POLE: variants seen among roughly 807,000 people sequenced by gnomAD.
POLE encodes the protein DNA polymerase epsilon, catalytic subunit.
In POLE, 188 loss-of-function variants were observed where a neutral mutation model predicts 279.2. That is an observed-to-expected ratio of 0.67 (90% CI 0.60 to 0.76). The LOEUF is 0.76. Ranked by LOEUF, POLE falls within the 30% of genes least tolerant of loss-of-function variation. The pLI is 0.00. For missense variants in POLE, 2,703 were observed against 3,016.7 expected (o/e 0.90, Z 2.44); for synonymous variants, 1,214 against 1,172.5 (o/e 1.04, Z -0.72).
chr12:132,686,251 G>A (rs1270120779), intron 1 of POLE, among the ~76,000 whole-genome samples: 2 of 151,790 alleles, frequency 1.3e-5, no homozygotes, highest in Non-Finnish European at 2.9e-5. Flanking sequence ...AAGCAGCCGC[G>A]TCTTATCCTT....
chr12:132,680,385 C>A, intron 3 of POLE, 163 bp from the exon 4 acceptor site: 3 of 691,900 alleles, frequency 4.3e-6, no homozygotes, highest in Non-Finnish European at 7.7e-6. Context: ...TTCACAGGGG[C>A]AAGAATCTGA....
At position 132,675,465 on chromosome 12, in the gene POLE, T is replaced by A; in HGVS notation, c.1159A>T (p.Ile387Leu). The change falls in exon 12 of 49, where the codon ATA (isoleucine) becomes TTA (leucine). Residue 387 changes from isoleucine (I) to leucine (L), a missense_variant. By Grantham distance (5) the Ile-to-Leu change is conservative. Around this residue, in one of 5 missense-constraint regions of POLE, gnomAD observed 1,011 missense variants for 1,111.7 expected, o/e 0.91. Transcript: ENST00000320574. The surrounding 1 kb of genome is among the most constrained non-coding windows in gnomAD (Gnocchi z 4.3). ...AVHGLSMQQE[I>L]GFQKDSQGEY... The stretch of plus-strand genomic sequence containing the variant: ...CCCTGGCTGTCCTTCTGGAAGCCTA[T>A]CTCCTGCTGCATGCTCAGACCGTGG... The A allele has an allele frequency of 6.2e-7, 1 of 1,614,124 alleles. No homozygotes were observed. The highest frequency in any genetic ancestry group is 8.5e-7 in the Non-Finnish European group (1 of 1,180,024).
At position 132,668,802 on chromosome 12, in the gene POLE, A is replaced by T; in HGVS notation, c.1923+9T>A. ...AGCTCCGACTCTGACACGGGAAGTAAAGTCTCACCTGCAGGCGGTTGGTCA... is the reference window on the plus strand; with the variant it reads ...AGCTCCGACTCTGACACGGGAAGTATAGTCTCACCTGCAGGCGGTTGGTCA... On this transcript the variant is annotated intron_variant, in intron 17 of 48. Coordinates refer to ENST00000320574, the MANE Select transcript of POLE (RefSeq NM_006231.4). The surrounding 1 kb of genome is among the most constrained non-coding windows in gnomAD (Gnocchi z 4.0). 1 of 1,613,966 alleles carries T rather than the reference A, an allele frequency of 6.2e-7. No homozygotes were observed. Among genetic ancestry groups the T allele is most frequent in the Non-Finnish European group, 8.5e-7 (1 of 1,179,858 alleles).
rs544618034 is a variant in POLE, at chr12:132,662,025, C to G, written c.2707-341G>C. Among the ~76,000 whole-genome samples the G allele has an allele frequency of 9.8e-5, 15 of 152,330 alleles. No individual in the cohort carries two copies. In the South Asian group the frequency reaches 2.7e-3, roughly 27 times the overall value. ...GGATTTGCTGACAAAGGGGTTGCAG[C>G]TGTTTTGTGTTGCTTCGTGGTGCTG... On this transcript the variant is annotated intron_variant, in intron 23 of 48. Coordinates refer to ENST00000320574, the MANE Select transcript of POLE (RefSeq NM_006231.4).
chr12:132,631,430 T>TA (rs2041930806), intron 45 of POLE, among the ~76,000 whole-genome samples: 1 of 152,124 alleles, frequency 6.6e-6, no homozygotes, highest in East Asian at 1.9e-4. Context: ...TACACCTTAA[T>TA]AAAAATGAAT....
At chr12:132,640,792 TG>T (rs2042125248) in intron 39 of POLE, among the ~76,000 whole-genome samples, 1 of 152,208 alleles carries the variant, frequency 6.6e-6, no homozygotes, top group Non-Finnish European at 1.5e-5. Flanking sequence ...AGCGGCAGTT[TG>T]GGTATCTGCT....
At chr12:132,686,731 T>A (rs963741644) in intron 1 of POLE, among the ~76,000 whole-genome samples, 4 of 151,928 alleles carry the variant, frequency 2.6e-5, no homozygotes, top group South Asian at 4.2e-4. Flanking sequence ...CGGGACTCCC[T>A]GCCCAAAAAA....
Position 132,625,032 on chromosome 12 carries a change from G to A in POLE, c.6658-38C>T, listed in dbSNP as rs144237037. On this transcript the variant is annotated intron_variant, in intron 47 of 48. Transcript: ENST00000320574. Reference sequence around the variant, plus strand: ...AGCCCCGATGGGCGCCAGCCCTCCCGCGCTGGCCAGACCTGCCTGCTGCTT... The same window carrying A: ...AGCCCCGATGGGCGCCAGCCCTCCCACGCTGGCCAGACCTGCCTGCTGCTT... 6.4e-3 allele frequency: 9,659 copies of A among 1,515,948 alleles called. 47 individuals are homozygous for A. The highest frequency in any genetic ancestry group is 8.1e-3 in the Non-Finnish European group (8,821 of 1,094,048). 93.9% of individuals were successfully genotyped at this position (1,515,948 alleles called of 1,614,324 possible).
rs891235210 is a variant in POLE at position 132,632,180 on chromosome 12, G to A, written c.6330+135C>T. 6.1e-5 allele frequency: 42 copies of A among 683,846 alleles called. No individual in the cohort carries two copies. The Admixed American group carries it at 9.8e-4, about 16-fold the overall frequency. 42.4% of individuals were successfully genotyped at this position (683,846 alleles called of 1,614,324 possible). On this transcript the variant is annotated intron_variant, in intron 45 of 48. Transcript: ENST00000320574. ...CATCCTTACCATGCACAGGTATGTC[G>A]GTGTCCTTATCTTGCACACATACGC...
At chr12:132,669,356 C>T (rs953939928) in intron 16 of POLE, among the ~76,000 whole-genome samples, 14 of 151,646 alleles carry the variant, frequency 9.2e-5, no homozygotes, top group African/African-American at 2.4e-4. Context: ...CCCAGCTACT[C>T]GGAACGCTGG....
At chr12:132,637,842 C>G (rs567420871) in intron 41 of POLE, among the ~76,000 whole-genome samples, 172 bp downstream of exon 41, 1 of 152,200 alleles carries the variant, frequency 6.6e-6, no homozygotes, top group African/African-American at 2.4e-5. Context: ...GATCTGCTAC[C>G]GCGCACAGGT....
Position 132,668,218 on chromosome 12 carries a change from G to GTGACC in POLE, c.2173+133_2173+137dup. On this transcript the variant is annotated intron_variant, in intron 19 of 48. Coordinates refer to ENST00000320574, the MANE Select transcript of POLE (RefSeq NM_006231.4). This position sits in a 1 kb window ranked among gnomAD's most constrained non-coding sequence, Gnocchi z 4.0. ...CCCTGCAGTGAGAGCACAGCTTACA[G>GTGACC]TGACCTAGAGCAGCTTCTGGTCTGC... The GTGACC allele has an allele frequency of 1.1e-6, 1 of 934,626 alleles. No individual in the cohort carries two copies. Among genetic ancestry groups the GTGACC allele is most frequent in the African/African-American group, 1.7e-5 (1 of 60,100 alleles). 57.9% of individuals were successfully genotyped at this position (934,626 alleles called of 1,614,324 possible). A position where few individuals can be genotyped will look rare whatever the true frequency, so the allele number is the denominator to read the frequency against.
Position 132,661,020 on chromosome 12 carries a change from A to C in POLE, c.3009T>G (p.Tyr1003Ter), listed in dbSNP as rs1476231535. The change falls in exon 25 of 49, where the codon TAT (tyrosine) becomes TAG (stop). Residue 1003 changes from tyrosine (Y) to a stop codon, truncating the protein, a stop_gained. Coordinates refer to ENST00000320574, the MANE Select transcript of POLE (RefSeq NM_006231.4). LOFTEE classifies it high-confidence loss of function. The surrounding 1 kb of genome is among the most constrained non-coding windows in gnomAD (Gnocchi z 4.1). ...FLKGSTLEEV[Y>*]GSVAKVADYW... ...AGTCAGCCACCTTGGCTACAGAGCCATACACCTCTTCCAGCGTGCTGCCCT... is the reference window on the plus strand; with the variant it reads ...AGTCAGCCACCTTGGCTACAGAGCCCTACACCTCTTCCAGCGTGCTGCCCT... 1 of 1,613,988 alleles carries C rather than the reference A, an allele frequency of 6.2e-7. No homozygotes were observed. Among genetic ancestry groups the C allele is most frequent in the African/African-American group, 1.3e-5 (1 of 74,900 alleles).
rs5744965 is a variant in POLE at position 132,639,325 on chromosome 12, C to T, written c.5379-27G>A. The T allele has an allele frequency of 2.7e-3, 4,274 of 1,608,966 alleles. 106 individuals carry two copies. In the African/African-American group the frequency reaches 0.047, roughly 18 times the overall value. ...TGAAAGAGAAGGTGCACGACACCCT[C>T]GTACCCTCAGCCTCCCACGCTGCTG... is the stretch of plus-strand genomic sequence containing the variant. On this transcript the variant is annotated intron_variant, in intron 39 of 48. Coordinates refer to ENST00000320574, the MANE Select transcript of POLE (RefSeq NM_006231.4). This position sits in a 1 kb window ranked among gnomAD's most constrained non-coding sequence, Gnocchi z 4.7.
In POLE at chr12:132,638,165, G is replaced by A. The variant is rs373940675; in HGVS notation, c.5553-26C>T. ...CTGTGGAGCAAGTTGAGAGTCCGTG[G>A]TGGAGACGCCACAGTCATGGAGAGC... On this transcript the variant is annotated intron_variant, in intron 40 of 48. Coordinates refer to ENST00000320574, the MANE Select transcript of POLE (RefSeq NM_006231.4). 37 of 1,611,526 alleles carry A rather than the reference G, an allele frequency of 2.3e-5. No individual in the cohort carries two copies. The African/African-American group carries it at 4.4e-4, about 19-fold the overall frequency.
chr12:132,641,825 G>C lies in POLE; in HGVS notation c.5200C>G (p.Leu1734Val), dbSNP rs771835909. 5.6e-6 allele frequency: 9 copies of C among 1,601,314 alleles called. No individual in the cohort carries two copies. The highest frequency in any genetic ancestry group is 7.6e-6 in the Non-Finnish European group (9 of 1,179,924). ...TVCVELDLQN[L>V]AVNTILQSHH... Reference sequence around the variant, plus strand: ...GACTGGAGAATGGTGTTGACGGCCAGGTTCTGAAGGTCCAGCTCCACACAC... The same window carrying C: ...GACTGGAGAATGGTGTTGACGGCCACGTTCTGAAGGTCCAGCTCCACACAC... Residue 1734 changes from leucine (L) to valine (V), a missense_variant, in exon 39 of 49, where the codon CTG (leucine) becomes GTG (valine). By Grantham distance (32) the Leu-to-Val change is conservative. This residue lies in a region of POLE where 1,551 missense variants were observed against 1,686.1 expected (regional missense o/e 0.92). Coordinates refer to ENST00000320574, the MANE Select transcript of POLE (RefSeq NM_006231.4).
chr12:132,676,476 G>T, intron 9 of POLE, 70 bp downstream of exon 9: 1 of 981,706 alleles, frequency 1.0e-6, no homozygotes, highest in Non-Finnish European at 1.6e-6. Flanking sequence ...TGGGGCAGAT[G>T]CTGCTGTAGT....
intron 23 of POLE, among the ~76,000 whole-genome samples, chr12:132,662,064 T>C (rs1272779775): frequency 1.3e-5 from 2 of 152,246 alleles, no homozygotes; most frequent in South Asian, 2.1e-4. Context: ...ACACACACTA[T>C]GCACTTGTCC....
rs777002868 is a variant in POLE at position 132,668,430 on chromosome 12, G to A, written c.2099C>T (p.Pro700Leu). The A allele has an allele frequency of 5.6e-6, 9 of 1,612,748 alleles. No homozygotes were observed. In the Admixed American group the frequency reaches 6.7e-5, roughly 12 times the overall value. The change falls in exon 19 of 49, where the codon CCA becomes CTA. Residue 700 changes from proline to leucine, a missense_variant. This residue lies in a region of POLE where 1,011 missense variants were observed against 1,111.7 expected (regional missense o/e 0.91). Transcript: ENST00000320574. The surrounding 1 kb of genome is among the most constrained non-coding windows in gnomAD (Gnocchi z 4.0). ...LESEKFPPLF[P>L]EGPARAFHEL... ...ATGAAAGGCCCGAGCTGGCCCCTCTGGGAACAAGGGGGGGAACTTCTCTGA... is the reference window on the plus strand; with the variant it reads ...ATGAAAGGCCCGAGCTGGCCCCTCTAGGAACAAGGGGGGGAACTTCTCTGA...
Sources: allele counts gnomAD v4.1 joint callset (sites outside exome capture counted in the v4.1 genomes callset), GRCh38; gene constraint gnomAD v4.1.1; regional missense constraint gnomAD v4.1.1; non-coding constraint Gnocchi (gnomAD v3.1); transcripts MANE v1.5; gene names NCBI Gene and HGNC (gene_info 2026-07-23, HGNC 2026-07-21).